The following MATN2 variants were observed in gnomAD, a reference collection of about 807,000 sequenced individuals.
The protein encoded by MATN2 is matrilin-2.
A neutral mutation model predicts 103.2 loss-of-function variants in MATN2; 69 were observed. The observed-to-expected ratio is 0.67, with a 90% CI of 0.55 to 0.82. The LOEUF is 0.82. MATN2 is among the 40% of genes least tolerant of loss of function. The pLI is 0.00. For synonymous variants in MATN2, 429 were observed against 450.2 expected, an observed-to-expected ratio of 0.95 and a Z score of 0.60; for missense variants, 1,023 against 1,211.5, an observed-to-expected ratio of 0.84 and a Z score of 2.31.
intron 5 of MATN2, 136 bp downstream of exon 5, chr8:97,961,666 T>C (rs1811322245): frequency 9.6e-7 from 1 of 1,038,318 alleles, no homozygotes; most frequent in African/African-American, 1.6e-5. Context: ...TTGTTTGGTG[T>C]AGTTGTTAGG....
intron 4 of MATN2, among the ~76,000 whole-genome samples, chr8:97,943,760 CTCT>C (rs1322521670): frequency 6.6e-6 from 1 of 152,160 alleles, no homozygotes; most frequent in East Asian, 1.9e-4. Context: ...TGGTGCCCTT[CTCT>C]TCTTAGGAGC....
At chr8:97,939,991 A>T (rs1404028030) in intron 3 of MATN2, among the ~76,000 whole-genome samples, 1 of 152,236 alleles carries the variant, frequency 6.6e-6, no homozygotes, top group Non-Finnish European at 1.5e-5. Flanking sequence ...AAATGCCACC[A>T]TAATTCTCCT....
intron 2 of MATN2, among the ~76,000 whole-genome samples, chr8:97,891,050 C>G (rs963504257): frequency 6.6e-6 from 1 of 152,202 alleles, no homozygotes; most frequent in Non-Finnish European, 1.5e-5. Context: ...ATGGGCTTAT[C>G]TCTTACCTCA....
chr8:98,028,270 C>G (rs1385010475), intron 14 of MATN2, among the ~76,000 whole-genome samples: 25 of 152,170 alleles, frequency 1.6e-4, no homozygotes, highest in Admixed American at 1.6e-3. Context: ...AGCGAGCATT[C>G]TGAAAATGCA....
At chr8:98,012,301 G>C (rs573315289) in intron 10 of MATN2, among the ~76,000 whole-genome samples, 2 of 152,288 alleles carry the variant, frequency 1.3e-5, no homozygotes, top group East Asian at 1.9e-4. Context: ...GGATAGCAGA[G>C]ACAGCGTCCA....
intron 1 of MATN2, among the ~76,000 whole-genome samples, chr8:97,881,312 G>A (rs763427138): frequency 5.3e-5 from 8 of 152,294 alleles, no homozygotes; most frequent in Non-Finnish European, 1.2e-4. Context: ...CCTAGGTGAG[G>A]TCATGCAGGT....
chr8:98,034,916 T>TA (rs397970246), intron 18 of MATN2, among the ~76,000 whole-genome samples: 20,595 of 130,760 alleles, frequency 0.16, 1,716 homozygotes, highest in Admixed American at 0.23. Context: ...GAATCACAAT[T>TA]AAAAAAAAAA....
At chr8:97,926,324 A>G (rs1809989196) in intron 2 of MATN2, among the ~76,000 whole-genome samples, 1 of 152,228 alleles carries the variant, frequency 6.6e-6, no homozygotes, top group Non-Finnish European at 1.5e-5. Flanking sequence ...TTGTCAGCAT[A>G]AGAAGAACAC....
intron 4 of MATN2, among the ~76,000 whole-genome samples, chr8:97,960,090 G>A (rs1166785822): frequency 6.6e-6 from 1 of 152,096 alleles, no homozygotes; most frequent in African/African-American, 2.4e-5. Flanking sequence ...CTGAGTAGCT[G>A]GGATTACAGG....
At position 98,033,041 on chromosome 8, in the gene MATN2, G is replaced by C. The variant is rs1457698359; in HGVS notation, c.2582-1G>C. On this transcript the variant is annotated splice_acceptor_variant, in intron 16 of 18. Transcript: ENST00000254898. LOFTEE classifies it high-confidence loss of function. ...GATTGCAGTTTTCTTTCTCTTTACA[G>C]AATCTGAGCCAGTCACCATAAATAT... 4.4e-6 allele frequency: 7 copies of C among 1,600,816 alleles called. No homozygotes were observed. The highest frequency in any genetic ancestry group is 6.0e-6 in the Non-Finnish European group (7 of 1,176,288).
chr8:97,869,781 T>A (rs888922574), intron 1 of MATN2, among the ~76,000 whole-genome samples: 26 of 152,342 alleles, frequency 1.7e-4, no homozygotes, highest in African/African-American at 5.5e-4. Flanking sequence ...CTTCCCTATA[T>A]TGTGGAAGAG....
At chr8:97,990,551 CA>C (rs1233949011) in intron 6 of MATN2, among the ~76,000 whole-genome samples, 3 of 152,204 alleles carry the variant, frequency 2.0e-5, no homozygotes, top group Non-Finnish European at 4.4e-5. Flanking sequence ...GTGATAGCCC[CA>C]AACTGGGAAC....
chr8:97,966,579 AAT>A (rs1811487917), intron 5 of MATN2, among the ~76,000 whole-genome samples: 1 of 151,960 alleles, frequency 6.6e-6, no homozygotes, highest in Non-Finnish European at 1.5e-5. Flanking sequence ...AAAAAAAAAA[AAT>A]GTTGGGGTGA....
chr8:97,975,775 A>G (rs1811816716), intron 5 of MATN2, among the ~76,000 whole-genome samples: 1 of 152,208 alleles, frequency 6.6e-6, no homozygotes, highest in African/African-American at 2.4e-5. Flanking sequence ...GACTGCTAAC[A>G]CGGGCCCAAG....
chr8:98,036,522 TCA>T lies in MATN2; in HGVS notation c.*811_*812del, dbSNP rs1268040342. ...AACCCTGTAAATCTAGCAACTGCAC[TCA>T]GTTGATTTCAGCCCATACATACAAA... On this transcript the variant is annotated 3_prime_UTR_variant, in exon 19 of 19. Coordinates refer to ENST00000254898, the MANE Select transcript of MATN2 (RefSeq NM_002380.5). 2 of 152,192 alleles carry T rather than the reference TCA, an allele frequency of 1.3e-5. No individual in the cohort carries two copies. Among genetic ancestry groups the T allele is most frequent in the African/African-American group, 4.8e-5 (2 of 41,440 alleles). 9.4% of individuals were successfully genotyped at this position (152,192 alleles called of 1,614,324 possible). A position where few individuals can be genotyped will look rare whatever the true frequency, so the allele number is the denominator to read the frequency against.
intron 6 of MATN2, among the ~76,000 whole-genome samples, chr8:97,981,569 C>T (rs754533885): frequency 1.3e-5 from 2 of 152,160 alleles, no homozygotes; most frequent in Non-Finnish European, 2.9e-5. Context: ...GTTATGTGAC[C>T]AAGGGCCTAC....
intron 2 of MATN2, among the ~76,000 whole-genome samples, chr8:97,911,526 G>A (rs1198696349): frequency 6.6e-6 from 1 of 151,830 alleles, no homozygotes; most frequent in Non-Finnish European, 1.5e-5. Context: ...GGCCAACATG[G>A]TGACGCCCCG....
In MATN2 at chr8:98,033,195, T is replaced by A. The variant is rs1472406752; in HGVS notation, c.2716+19T>A. Reference sequence around the variant, plus strand: ...CCTTCAGGTAATTCCAAGTAAAATATTACTATAAGATAACTTGATCTCAGC... The same window carrying A: ...CCTTCAGGTAATTCCAAGTAAAATAATACTATAAGATAACTTGATCTCAGC... On this transcript the variant is annotated intron_variant, in intron 17 of 18. Transcript: ENST00000254898. 6 of 1,584,582 alleles carry A rather than the reference T, an allele frequency of 3.8e-6. No individual in the cohort carries two copies. The South Asian group carries it at 7.1e-5, about 19-fold the overall frequency.
chr8:97,994,346 G>A, intron 6 of MATN2, 134 bp from the exon 7 acceptor site: 1 of 845,254 alleles, frequency 1.2e-6, no homozygotes, highest in Non-Finnish European at 1.8e-6. Flanking sequence ...TTTATTGGGA[G>A]ACCCCTTCAT....
Sources: gnomAD v4.1 joint callset for allele counts (sites outside exome capture counted in the v4.1 genomes callset) on GRCh38, gnomAD v4.1.1 for gene constraint, MANE v1.5 for transcripts, NCBI Gene and HGNC (gene_info 2026-07-23, HGNC 2026-07-21) for gene names.